MATR3: variants seen among roughly 807,000 people sequenced by gnomAD.
MATR3 encodes the protein matrin 3.
MATR3 carries 4 observed loss-of-function variants against 85.5 expected under a neutral mutation model. The observed-to-expected ratio is 0.05, with a 90% confidence interval of 0.02 to 0.11. The LOEUF is 0.11. Among genes scored for constraint, MATR3 ranks in the 10% least tolerant of loss-of-function variants. The pLI is 1.00. For missense variants in MATR3, 685 were observed against 1,016.1 expected (o/e 0.67, Z 4.43); for synonymous variants, 336 against 343.1 (o/e 0.98, Z 0.23).
chr5:139,317,837 A>G, intron 7 of MATR3, 116 bp downstream of exon 7: 1 of 1,028,754 alleles, frequency 9.7e-7, no homozygotes, highest in Non-Finnish European at 1.4e-6. Flanking sequence ...AAGTTTATCA[A>G]ATGCAGAATG....
chr5:139,307,372 A>AT lies in MATR3; in HGVS notation c.-33dup, dbSNP rs372628597. Reference sequence around the variant, plus strand: ...TTTCTTTTTGGCCGTCTTTAAAAAAATTTTTTTTTTTAATCTATAAAATAG... The same window carrying AT: ...TTTCTTTTTGGCCGTCTTTAAAAAAATTTTTTTTTTTTAATCTATAAAATAG... On this transcript the variant is annotated 5_prime_UTR_variant, in exon 2 of 15. Coordinates refer to ENST00000394805, the MANE Select transcript of MATR3 (RefSeq NM_018834.6). The surrounding 1 kb of genome is among the most constrained non-coding windows in gnomAD (Gnocchi z 4.4). 360 of 1,493,872 alleles carry AT rather than the reference A, an allele frequency of 2.4e-4. No homozygotes were observed. Among genetic ancestry groups the AT allele is most frequent in the East Asian group, 9.6e-4 (38 of 39,562 alleles). The allele number at this position is 1,493,872 out of a possible 1,614,324, so 92.5% of individuals were successfully genotyped here.
intron 1 of MATR3, among the ~76,000 whole-genome samples, chr5:139,304,900 T>G (rs931232817): frequency 2.0e-5 from 3 of 152,194 alleles, no homozygotes; most frequent in African/African-American, 7.2e-5. Flanking sequence ...GGCTTGTACA[T>G]CTTATGTTCA....
Position 139,307,502 on chromosome 5 carries a change from T to A in MATR3, c.87T>A (p.Leu29=). 2 of 1,614,120 alleles carry A rather than the reference T, an allele frequency of 1.2e-6. No individual in the cohort carries two copies. The highest frequency in any genetic ancestry group is 1.7e-6 in the Non-Finnish European group (2 of 1,179,998). ...TGTCTGCGGCAGGAATAGGCCTTCT[T>A]GCTGCTGCTACCCAGTCTTTAAGTA... ...RDLSAAGIGL[L]AAATQSLSMP... is the part of the protein sequence containing the mutation. The change falls in exon 2 of 15, where the codon CTT becomes CTA. Residue 29 remains leucine, a synonymous_variant. Coordinates refer to ENST00000394805, the MANE Select transcript of MATR3 (RefSeq NM_018834.6). The surrounding 1 kb of genome is among the most constrained non-coding windows in gnomAD (Gnocchi z 4.4).
chr5:139,291,623 C>G (rs895337957), upstream of MATR3, among the ~76,000 whole-genome samples: 1 of 152,160 alleles, frequency 6.6e-6, no homozygotes, highest in Non-Finnish European at 1.5e-5. Context: ...ACCGCAACCT[C>G]CGCCTCCCGG....
chr5:139,312,167 TGCTTTGTA>T (rs1457793661), intron 2 of MATR3: 1 of 152,252 alleles, frequency 6.6e-6, no homozygotes, highest in Non-Finnish European at 1.5e-5. Context: ...AAGGGTCTTT[TGCTTTGTA>T]GCCCACGCTG....
chr5:139,299,057 CT>C (rs1161136015), intron 1 of MATR3, among the ~76,000 whole-genome samples: 1 of 152,162 alleles, frequency 6.6e-6, no homozygotes, highest in Non-Finnish European at 1.5e-5. Context: ...AGTAGTCAAA[CT>C]TAAACACAAG....
rs373549578 is a variant in MATR3 at position 139,326,295 on chromosome 5, A to G, written c.2493+11A>G. On this transcript the variant is annotated intron_variant, in intron 14 of 14. Transcript: ENST00000394805. ...TATCAGAAATTAAAGGTAAGGTTGA[A>G]TGTAAAACAGTTCTTTTGTGAAAAC... The G allele has an allele frequency of 2.5e-6, 4 of 1,613,550 alleles. No homozygotes were observed. The highest frequency in any genetic ancestry group is 2.5e-6 in the Non-Finnish European group (3 of 1,179,682).
At chr5:139,328,679 A>G (rs932845984) in intron 14 of MATR3, among the ~76,000 whole-genome samples, 1 of 152,180 alleles carries the variant, frequency 6.6e-6, no homozygotes, top group East Asian at 1.9e-4. Context: ...TGGCCTTGCA[A>G]GAAAATGTTT....
intron 12 of MATR3, among the ~76,000 whole-genome samples, chr5:139,324,901 C>T (rs1755765434): frequency 6.6e-6 from 1 of 151,982 alleles, no homozygotes; most frequent in African/African-American, 2.4e-5. Context: ...TGAATAAAGA[C>T]AAAGACGCGG....
intron 12 of MATR3, among the ~76,000 whole-genome samples, chr5:139,324,355 G>A (rs1194626634): frequency 6.9e-6 from 1 of 145,070 alleles, no homozygotes; most frequent in Non-Finnish European, 1.5e-5. Flanking sequence ...GTGCGGTGGT[G>A]TGATCTCAGC....
intron 3 of MATR3, among the ~76,000 whole-genome samples, chr5:139,284,948 A>C (rs1165347142): frequency 6.6e-6 from 1 of 152,212 alleles, no homozygotes; most frequent in Non-Finnish European, 1.5e-5. Context: ...GCGCCATAGA[A>C]TATCAACACT....
intron 7 of MATR3, 141 bp from the exon 8 acceptor site, chr5:139,318,767 C>G (rs1755389114): frequency 2.4e-6 from 2 of 823,584 alleles, no homozygotes; most frequent in South Asian, 1.6e-5. Context: ...TATTTTGATT[C>G]TTGAAAGTAT....
rs1753973196 is a variant in MATR3, at chr5:139,293,749, C to T, written c.-234C>T. On this transcript the variant is annotated 5_prime_UTR_variant, in exon 1 of 15. Transcript: ENST00000394805. ...TGCTGCGGGGGATTGTGGGAGTCTC[C>T]GCGTCCCGCTCGCTGGGAGAGAGGT... The T allele has an allele frequency of 1.3e-5, 5 of 377,508 alleles. No individual in the cohort carries two copies. Among genetic ancestry groups the T allele is most frequent in the Non-Finnish European group, 2.3e-5 (5 of 213,086 alleles). The allele number at this position is 377,508 out of a possible 1,614,324, so 23.4% of individuals were successfully genotyped here.
chr5:139,322,950 A>G lies in MATR3; in HGVS notation c.2131A>G (p.Lys711Glu). Residue 711 changes from lysine to glutamate, a missense_variant, in exon 12 of 15, where the codon AAG becomes GAG. By Grantham distance (56) the Lys-to-Glu change is moderately conservative (BLOSUM62 1). Around this residue, in one of 9 missense-constraint regions of MATR3, gnomAD observed 215 missense variants for 194.7 expected, o/e 1.10. Coordinates refer to ENST00000394805, the MANE Select transcript of MATR3 (RefSeq NM_018834.6). ...AGATGGAAGTGCTTCAGCAGCAGCA[A>G]AGAAAAAGCTTAAAAAGGTAAAGAA... The part of the protein sequence containing the change: ...KKDGSASAAA[K>E]KKLKKVDKIE... The G allele has an allele frequency of 1.9e-6, 3 of 1,614,172 alleles. No homozygotes were observed. The highest frequency in any genetic ancestry group is 2.5e-6 in the Non-Finnish European group (3 of 1,180,030).
intron 2 of MATR3, chr5:139,314,265 C>A (rs1341147946): frequency 8.3e-6 from 2 of 239,952 alleles, no homozygotes; most frequent in Non-Finnish European, 8.3e-6. Flanking sequence ...TATATAGTTT[C>A]TAGAAAAGTA....
chr5:139,321,738 G>A, intron 9 of MATR3, 160 bp from the exon 10 acceptor site: 1 of 707,472 alleles, frequency 1.4e-6, no homozygotes, highest in East Asian at 2.8e-5. Flanking sequence ...AGCCAGGATT[G>A]CGCCACTGCA....
intron 5 of MATR3, 91 bp downstream of exon 5, chr5:139,316,279 C>A: frequency 1.0e-6 from 1 of 964,806 alleles, no homozygotes; most frequent in Non-Finnish European, 1.6e-6. Flanking sequence ...GGGTTTTGCT[C>A]TTATCGCCCA....
chr5:139,289,146 A>G (rs1753797035), upstream of MATR3, among the ~76,000 whole-genome samples: 1 of 152,240 alleles, frequency 6.6e-6, no homozygotes, highest in African/African-American at 2.4e-5. Context: ...AGCCTGTCAA[A>G]TGATTGGCCT....
rs185678902 is a variant in MATR3 at position 139,331,571 on chromosome 5, C to T, written c.*2176C>T. ...TCTTTTTAGTAGGAATGTTTCCACT[C>T]ATGTTTGCTGTAAAGTTTAAGAACA... On this transcript the variant is annotated 3_prime_UTR_variant, in exon 15 of 15. Coordinates refer to ENST00000394805, the MANE Select transcript of MATR3 (RefSeq NM_018834.6). The T allele has an allele frequency of 2.2e-6, 1 of 454,112 alleles. No individual in the cohort carries two copies. Among genetic ancestry groups the T allele is most frequent in the African/African-American group, 2.0e-5 (1 of 50,132 alleles). The allele number at this position is 454,112 out of a possible 1,614,324, so 28.1% of individuals were successfully genotyped here.
Sources: gnomAD v4.1 joint callset for allele counts (sites outside exome capture counted in the v4.1 genomes callset) on GRCh38, gnomAD v4.1.1 for gene constraint, gnomAD v4.1.1 regional missense constraint, Gnocchi (gnomAD v3.1) non-coding constraint, MANE v1.5 for transcripts, NCBI Gene and HGNC (gene_info 2026-07-23, HGNC 2026-07-21) for gene names.